The following ZNF277 variants were observed in gnomAD, a reference collection of about 807,000 sequenced individuals.
ZNF277 encodes zinc finger protein 277, also known as nuclear receptor-interacting factor 4.
A neutral mutation model predicts 60.7 loss-of-function variants in ZNF277; 55 were observed. The observed-to-expected ratio is 0.91, with a 90% CI of 0.73 to 1.13. The LOEUF (loss-of-function observed/expected upper bound fraction) is 1.13. ZNF277 is among the 50% of genes most tolerant of loss of function. The probability of loss-of-function intolerance (pLI) is 0.00; values close to 1 mark genes in which losing one functional copy is unlikely to be tolerated. For synonymous variants in ZNF277, 178 were observed against 179.3 expected (o/e 0.99, Z 0.06); for missense variants, 510 against 523.0 (o/e 0.98, Z 0.24).
chr7:112,339,084 A>G (rs1397927907), intron 9 of ZNF277, among the ~76,000 whole-genome samples: 1 of 152,242 alleles, frequency 6.6e-6, no homozygotes, highest in Admixed American at 6.5e-5. Flanking sequence ...TGAGGTTTAA[A>G]CAGTGTATTT....
chr7:112,250,748 G>A (rs1357922882), intron 1 of ZNF277, among the ~76,000 whole-genome samples: 1 of 152,100 alleles, frequency 6.6e-6, no homozygotes, highest in Non-Finnish European at 1.5e-5. Flanking sequence ...CTCTTGTGGG[G>A]AGAGGTGAAC....
At chr7:112,315,784 A>T (rs1300387917) in intron 4 of ZNF277, among the ~76,000 whole-genome samples, 7 of 152,238 alleles carry the variant, frequency 4.6e-5, no homozygotes, top group Non-Finnish European at 2.9e-5. Flanking sequence ...TTATATTTGC[A>T]TATGTTATCT....
chr7:112,257,986 T>G (rs1439680173), intron 1 of ZNF277, among the ~76,000 whole-genome samples: 1 of 152,040 alleles, frequency 6.6e-6, no homozygotes, highest in Non-Finnish European at 1.5e-5. Flanking sequence ...CTAACATTTT[T>G]TTTCTTTGTA....
chr7:112,336,237 T>C, intron 8 of ZNF277, 66 bp downstream of exon 8: 1 of 1,416,544 alleles, frequency 7.1e-7, no homozygotes, highest in Non-Finnish European at 9.6e-7. Context: ...TGCTTTAGTT[T>C]GGTTTAAATT....
At position 112,343,278 on chromosome 7, in the gene ZNF277, GCTGA is replaced by G. The variant is rs1355286575; in HGVS notation, c.*553_*556del. ...GGCCATTATATTAGAACAATCAAGAGCTGACTGTGTTATTACCACTTTCTGCCTA... is the reference window on the plus strand; with the variant it reads ...GGCCATTATATTAGAACAATCAAGAGCTGTGTTATTACCACTTTCTGCCTA... On this transcript the variant is annotated 3_prime_UTR_variant, in exon 12 of 12. Coordinates refer to ENST00000361822, the MANE Select transcript of ZNF277 (RefSeq NM_021994.3). Among the ~76,000 whole-genome samples, 1 of 152,162 alleles carries G rather than the reference GCTGA, an allele frequency of 6.6e-6. No homozygotes were observed. Among genetic ancestry groups the G allele is most frequent in the East Asian group, 1.9e-4 (1 of 5,182 alleles).
intron 1 of ZNF277, among the ~76,000 whole-genome samples, chr7:112,218,070 A>C (rs1389865277): frequency 6.6e-6 from 1 of 152,204 alleles, no homozygotes; most frequent in African/African-American, 2.4e-5. Context: ...GATTTGAGTA[A>C]TAATAAAACT....
intron 4 of ZNF277, among the ~76,000 whole-genome samples, chr7:112,299,324 T>C (rs968082273): frequency 6.6e-6 from 1 of 152,192 alleles, no homozygotes; most frequent in Non-Finnish European, 1.5e-5. Context: ...AGTAACAGTA[T>C]ACTTTTTCTT....
At chr7:112,265,362 G>C (rs1451697748) in intron 1 of ZNF277, among the ~76,000 whole-genome samples, 1 of 152,136 alleles carries the variant, frequency 6.6e-6, no homozygotes. Flanking sequence ...GAGAATGGCA[G>C]GTCAGTGGAG....
intron 1 of ZNF277, among the ~76,000 whole-genome samples, chr7:112,238,459 A>C (rs1037993760): frequency 6.6e-6 from 1 of 152,148 alleles, no homozygotes; most frequent in Non-Finnish European, 1.5e-5. Flanking sequence ...TCCTAAAGAA[A>C]TCAGAAAGGC....
intron 1 of ZNF277, among the ~76,000 whole-genome samples, chr7:112,260,945 T>C (rs1263152157): frequency 6.6e-6 from 1 of 152,212 alleles, no homozygotes. Flanking sequence ...ATTTGATAGA[T>C]TTGTTAATGT....
chr7:112,230,390 A>G (rs1435357534), intron 1 of ZNF277, among the ~76,000 whole-genome samples: 1 of 152,216 alleles, frequency 6.6e-6, no homozygotes, highest in Non-Finnish European at 1.5e-5. Flanking sequence ...AAAATCAGCT[A>G]TGATTTTCTT....
Position 112,318,369 on chromosome 7 carries a change from T to A in ZNF277, c.557+96T>A. On this transcript the variant is annotated intron_variant, in intron 5 of 11. Coordinates refer to ENST00000361822, the MANE Select transcript of ZNF277 (RefSeq NM_021994.3). ...GGTTATATAAATTAAGTTCTATGTG[T>A]TGGCTCAGGACCCTTTCGTATATAA... 3 of 1,108,126 alleles carry A rather than the reference T, an allele frequency of 2.7e-6. No individual in the cohort carries two copies. The South Asian group carries it at 4.1e-5, about 15-fold the overall frequency. 68.6% of individuals were successfully genotyped at this position (1,108,126 alleles called of 1,614,324 possible). A position where few individuals can be genotyped will look rare whatever the true frequency, so the allele number is the denominator to read the frequency against.
At chr7:112,292,947 A>AT (rs34385863) in intron 2 of ZNF277, among the ~76,000 whole-genome samples, 3,867 of 152,228 alleles carry the variant, frequency 0.025, 155 homozygotes, top group African/African-American at 0.087. Context: ...CCTTAGTCTT[A>AT]TTTAAATATG....
At chr7:112,310,478 A>AGTGTGTGT (rs1554493410) in intron 4 of ZNF277, among the ~76,000 whole-genome samples, 6 of 125,494 alleles carry the variant, frequency 4.8e-5, no homozygotes, top group African/African-American at 7.8e-5. Context: ...AGAGAGAGAG[A>AGTGTGTGT]GTGTGTGTGT....
intron 1 of ZNF277, among the ~76,000 whole-genome samples, chr7:112,210,494 C>T (rs1182589886): frequency 7.1e-6 from 1 of 140,952 alleles, no homozygotes; most frequent in Non-Finnish European, 1.5e-5. Context: ...TTTTTTGAGA[C>T]AGAGTCCTGC....
chr7:112,288,638 C>T (rs1792125174), intron 2 of ZNF277: 1 of 153,508 alleles, frequency 6.5e-6, no homozygotes, highest in Non-Finnish European at 1.5e-5. Context: ...TGAGGGCGAT[C>T]TGGCTGTGAC....
At chr7:112,269,800 A>C (rs76274372) in intron 1 of ZNF277, among the ~76,000 whole-genome samples, 7,664 of 152,186 alleles carry the variant, frequency 0.05, 305 homozygotes, top group Non-Finnish European at 0.076. Flanking sequence ...GTTTATCAAA[A>C]TCTAGAAGCT....
chr7:112,281,112 T>C (rs1791934603), intron 1 of ZNF277, among the ~76,000 whole-genome samples: 1 of 152,246 alleles, frequency 6.6e-6, no homozygotes, highest in South Asian at 2.1e-4. Flanking sequence ...ACCTAATTTA[T>C]GGGCTTTTCC....
chr7:112,240,400 A>G (rs190172938), intron 1 of ZNF277, among the ~76,000 whole-genome samples: 1 of 152,336 alleles, frequency 6.6e-6, no homozygotes, highest in African/African-American at 2.4e-5. Flanking sequence ...TGTACATTTT[A>G]AAATAACTAA....
Sources: gnomAD v4.1 joint callset for allele counts (sites outside exome capture counted in the v4.1 genomes callset) on GRCh38, gnomAD v4.1.1 for gene constraint, MANE v1.5 for transcripts, NCBI Gene and HGNC (gene_info 2026-07-23, HGNC 2026-07-21) for gene names.